The following KHDRBS2 variants were observed in gnomAD, a reference collection of about 807,000 sequenced individuals.
The protein encoded by KHDRBS2 is KH domain-containing, RNA-binding, signal transduction-associated protein 2.
Under a neutral mutation model 44.3 loss-of-function variants are expected in KHDRBS2, and 26 were observed. The ratio of observed to expected loss-of-function variants is 0.59; its 90% CI spans 0.43 to 0.81. The LOEUF (loss-of-function observed/expected upper bound fraction) is 0.81, where lower values mean the gene tolerates loss of function less well. Among genes scored for constraint, KHDRBS2 ranks in the 40% least tolerant of loss-of-function variants. KHDRBS2 has a pLI of 0.00. For missense variants in KHDRBS2, 476 were observed against 433.1 expected (o/e 1.10, Z -0.88); for synonymous variants, 194 against 151.1 (o/e 1.28, Z -2.08).
intron 4 of KHDRBS2, among the ~76,000 whole-genome samples, chr6:61,975,477 A>G (rs1772394659): frequency 6.6e-6 from 1 of 152,138 alleles, no homozygotes. Flanking sequence ...TTGGCAGTTC[A>G]TTTTTGCCCC....
At chr6:61,999,235 C>T (rs781508374) in intron 3 of KHDRBS2, among the ~76,000 whole-genome samples, 4 of 152,004 alleles carry the variant, frequency 2.6e-5, no homozygotes, top group Non-Finnish European at 5.9e-5. Flanking sequence ...ATAAAAGCAT[C>T]CTCGAGTGAT....
intron 1 of KHDRBS2, among the ~76,000 whole-genome samples, chr6:62,202,106 T>A (rs1276363998): frequency 6.6e-6 from 1 of 152,102 alleles, no homozygotes; most frequent in Non-Finnish European, 1.5e-5. Context: ...GGTATAGGAC[T>A]TGTATTTATT....
chr6:61,652,507 T>A, the KHDRBS2 span, among the ~76,000 whole-genome samples: 1 of 152,064 alleles, frequency 6.6e-6, no homozygotes, highest in East Asian at 1.9e-4. Context: ...GTTTTACATG[T>A]GTATATAGTT....
intron 1 of KHDRBS2, among the ~76,000 whole-genome samples, chr6:62,228,074 T>C (rs1233161395): frequency 6.6e-6 from 1 of 152,168 alleles, no homozygotes; most frequent in Non-Finnish European, 1.5e-5. Flanking sequence ...TTTCTATTGT[T>C]TGTAATAATT....
At chr6:61,780,833 C>T (rs541532281) in intron 6 of KHDRBS2, among the ~76,000 whole-genome samples, 2 of 152,274 alleles carry the variant, frequency 1.3e-5, no homozygotes, top group Admixed American at 1.3e-4. Context: ...AACTGCCTGT[C>T]ATCAGGGTGT....
rs139483494 is a variant in KHDRBS2, at chr6:61,823,372, A to G, written c.810+71263T>C. On this transcript the variant is annotated intron_variant, in intron 6 of 8. Transcript: ENST00000281156. ...ATACATTTTCTGATAAAGCATGTGT[A>G]TTCAGTCTTTTGCAGAATATCATTG... is the stretch of plus-strand genomic sequence containing the variant. Among the ~76,000 whole-genome samples the G allele has an allele frequency of 7.4e-3, 1,127 of 152,200 alleles. 4 individuals are homozygous for G. Among genetic ancestry groups the G allele is most frequent in the Non-Finnish European group, 0.011 (780 of 67,970 alleles).
the KHDRBS2 span, among the ~76,000 whole-genome samples, chr6:61,625,341 C>T: frequency 6.7e-6 from 1 of 149,202 alleles, no homozygotes; most frequent in Admixed American, 6.7e-5. Context: ...TGAGGGAATA[C>T]TTCCTGAAAA....
chr6:62,059,341 G>C (rs1308446957), intron 2 of KHDRBS2, among the ~76,000 whole-genome samples: 1 of 150,344 alleles, frequency 6.7e-6, no homozygotes, highest in Non-Finnish European at 1.5e-5. Flanking sequence ...AGATGTAGTG[G>C]AGCAGGAAAA....
At chr6:61,545,860 C>A in the KHDRBS2 span, among the ~76,000 whole-genome samples, 1 of 152,058 alleles carries the variant, frequency 6.6e-6, no homozygotes, top group African/African-American at 2.4e-5. Context: ...GTGCCTGCAC[C>A]AAGGAAAAGC....
intron 6 of KHDRBS2, among the ~76,000 whole-genome samples, chr6:61,888,561 CTTTT>C (rs139822708): frequency 7.2e-5 from 8 of 110,962 alleles, no homozygotes; most frequent in Non-Finnish European, 1.1e-4. Context: ...TTTCTAATTC[CTTTT>C]TTTTTTTTTT....
At chr6:61,918,837 G>A (rs75148445) in intron 4 of KHDRBS2, among the ~76,000 whole-genome samples, 1,533 of 152,066 alleles carry the variant, frequency 0.01, 12 homozygotes, top group Middle Eastern at 0.017. Flanking sequence ...CATGTAAAAT[G>A]TGTGCATTTT....
At chr6:61,559,582 T>G in the KHDRBS2 span, among the ~76,000 whole-genome samples, 29 of 152,316 alleles carry the variant, frequency 1.9e-4, no homozygotes, top group Non-Finnish European at 3.7e-4. Flanking sequence ...TCATTGGATG[T>G]TTTTTCATTT....
chr6:61,602,506 C>T, the KHDRBS2 span, among the ~76,000 whole-genome samples: 5 of 152,270 alleles, frequency 3.3e-5, no homozygotes, highest in Middle Eastern at 6.8e-3. Context: ...CTCCCAGAGC[C>T]CCTGGAACTC....
chr6:61,696,237 T>TTTTATTTATTTATTTA (rs10527202), intron 8 of KHDRBS2, among the ~76,000 whole-genome samples: 14,678 of 146,028 alleles, frequency 0.1, 897 homozygotes, highest in South Asian at 0.18. Context: ...CATATATGTA[T>TTTTATTTATTTATTTA]TTTATTTATT....
At chr6:62,062,881 G>T (rs1272428270) in intron 2 of KHDRBS2, among the ~76,000 whole-genome samples, 1 of 148,544 alleles carries the variant, frequency 6.7e-6, no homozygotes, top group Admixed American at 6.7e-5. Context: ...TAGACTGCTA[G>T]CAAGACTAAT....
the KHDRBS2 span, among the ~76,000 whole-genome samples, chr6:61,660,069 A>C: frequency 6.6e-6 from 1 of 151,880 alleles, no homozygotes; most frequent in Non-Finnish European, 1.5e-5. Context: ...TCTCATCCCT[A>C]CTGGGACACA....
rs182497817 is a variant in KHDRBS2 at position 61,730,047 on chromosome 6, C to T, written c.893+2635G>A. Among the ~76,000 whole-genome samples, 78 of 151,926 alleles carry T rather than the reference C, an allele frequency of 5.1e-4. No individual in the cohort carries two copies. The East Asian group carries it at 9.1e-3, about 18-fold the overall frequency. ...TATCTATTTCTATTAGAAATTGGCA[C>T]GATATTAAAAAATTATTTTTCACAG... On this transcript the variant is annotated intron_variant, in intron 7 of 8. Transcript: ENST00000281156.
chr6:61,566,091 C>T, the KHDRBS2 span, among the ~76,000 whole-genome samples: 1 of 151,650 alleles, frequency 6.6e-6, no homozygotes, highest in African/African-American at 2.4e-5. Context: ...ATTCACAATG[C>T]CATGGATGGA....
At chr6:61,814,456 A>AAT (rs1788595665) in intron 6 of KHDRBS2, among the ~76,000 whole-genome samples, 1 of 151,904 alleles carries the variant, frequency 6.6e-6, no homozygotes, top group Non-Finnish European at 1.5e-5. Flanking sequence ...AAAATACAAA[A>AAT]ATAAGCTTGG....
Sources: gnomAD v4.1 joint callset for allele counts (sites outside exome capture counted in the v4.1 genomes callset) on GRCh38, gnomAD v4.1.1 for gene constraint, MANE v1.5 for transcripts, NCBI Gene and HGNC (gene_info 2026-07-23, HGNC 2026-07-21) for gene names.